GAN: variants seen among roughly 807,000 people sequenced by gnomAD.
GAN encodes gigaxonin.
GAN carries 48 observed loss-of-function variants against 71.3 expected under a neutral mutation model. The ratio of observed to expected loss-of-function variants is 0.67; its 90% confidence interval spans 0.53 to 0.86. The LOEUF (loss-of-function observed/expected upper bound fraction) is 0.86, where lower values mean the gene tolerates loss of function less well. Ranked by LOEUF, GAN falls within the 40% of genes least tolerant of loss-of-function variation. GAN has a pLI of 0.00. For missense variants in GAN, 928 were observed against 770.1 expected (o/e 1.21, Z -2.43); for synonymous variants, 386 against 276.8 (o/e 1.39, Z -3.92).
rs1156706488 is a variant in GAN, at chr16:81,386,782, A to T, written c.*9186A>T. On this transcript the variant is annotated 3_prime_UTR_variant, in exon 11 of 11. Transcript: ENST00000648994. ...ACCAACGTGGAGAAACCCCGTCTCT[A>T]TTAAAAATACAAAATTAGCCGGGCA... 6.6e-6 allele frequency: 1 copy of T among 152,278 alleles called. No individual in the cohort carries two copies. The allele number at this position is 152,278 out of a possible 1,614,324, so 9.4% of individuals were successfully genotyped here. A position where few individuals can be genotyped will look rare whatever the true frequency, so the allele number is the denominator to read the frequency against.
chr16:81,384,806 C>A lies in GAN; in HGVS notation c.*7210C>A, dbSNP rs1463516253. On this transcript the variant is annotated 3_prime_UTR_variant, in exon 11 of 11. Transcript: ENST00000648994. ...CGGTATGCGCCTTCTGCACTCCACA[C>A]GTGGTCGCCTCCATCCTCCCTAGTG... 1 of 152,236 alleles carries A rather than the reference C, an allele frequency of 6.6e-6. No homozygotes were observed. The highest frequency in any genetic ancestry group is 2.1e-4 in the South Asian group (1 of 4,828). The allele number at this position is 152,236 out of a possible 1,614,324, so 9.4% of individuals were successfully genotyped here.
intron 9 of GAN, among the ~76,000 whole-genome samples, chr16:81,369,946 T>C (rs776714303): frequency 8.5e-5 from 13 of 152,196 alleles, no homozygotes; most frequent in Non-Finnish European, 1.6e-4. Flanking sequence ...CCCAAATTCT[T>C]TCCCAGACGT....
At chr16:81,326,933 C>T (rs1009378795) in intron 1 of GAN, among the ~76,000 whole-genome samples, 2 of 152,198 alleles carry the variant, frequency 1.3e-5, no homozygotes, top group Admixed American at 1.3e-4. Flanking sequence ...GGTCAGAGTT[C>T]AGGATGCTGA....
chr16:81,382,755 G>A lies in GAN; in HGVS notation c.*5159G>A, dbSNP rs1904311896. The A allele has an allele frequency of 6.6e-6, 1 of 152,258 alleles. No individual in the cohort carries two copies. Among genetic ancestry groups the A allele is most frequent in the Non-Finnish European group, 1.5e-5 (1 of 68,030 alleles). 9.4% of individuals were successfully genotyped at this position (152,258 alleles called of 1,614,324 possible). A position where few individuals can be genotyped will look rare whatever the true frequency, so the allele number is the denominator to read the frequency against. On this transcript the variant is annotated 3_prime_UTR_variant, in exon 11 of 11. Coordinates refer to ENST00000648994, the MANE Select transcript of GAN (RefSeq NM_022041.4). ...CAGTTAAGTCTCAGTGGTATTGACT[G>A]CTAGGCATTTTCTATATTTTTTGCA...
chr16:81,332,179 AAAAG>A (rs953363902), intron 1 of GAN, among the ~76,000 whole-genome samples: 10 of 151,894 alleles, frequency 6.6e-5, no homozygotes, highest in Non-Finnish European at 1.5e-4. Flanking sequence ...AAAAAAAAGA[AAAAG>A]AAAAAAAAGA....
intron 1 of GAN, among the ~76,000 whole-genome samples, chr16:81,336,411 A>G (rs1263494587): frequency 6.6e-6 from 1 of 152,064 alleles, no homozygotes; most frequent in Non-Finnish European, 1.5e-5. Flanking sequence ...CTGCAAATTG[A>G]TATTTCATTT....
Position 81,315,112 on chromosome 16 carries a change from C to T in GAN, c.-2C>T. 2.0e-6 allele frequency: 3 copies of T among 1,492,352 alleles called. No homozygotes were observed. The South Asian group carries it at 3.8e-5, about 19-fold the overall frequency. The allele number at this position is 1,492,352 out of a possible 1,614,324, so 92.4% of individuals were successfully genotyped here. Reference sequence around the variant, plus strand: ...CCCGTCGGCAGAGGAGCGGGCGCCGCGATGGCTGAGGGCAGTGCCGTGTCT... The same window carrying T: ...CCCGTCGGCAGAGGAGCGGGCGCCGTGATGGCTGAGGGCAGTGCCGTGTCT... On this transcript the variant is annotated 5_prime_UTR_variant, in exon 1 of 11. Transcript: ENST00000648994.
Position 81,363,801 on chromosome 16 carries a change from A to T in GAN, c.1094A>T (p.His365Leu). Residue 365 changes from histidine (H) to leucine (L), a missense_variant, in exon 7 of 11, where the codon CAT becomes CTT. Coordinates refer to ENST00000648994, the MANE Select transcript of GAN (RefSeq NM_022041.4). ...TALPPMNEAR[H>L]NFGIVEIDGM... ...TCGCTAATGTAATTTCAGGCAAGACATAACTTCGGAATTGTGGAGATAGAT... is the reference window on the plus strand; with the variant it reads ...TCGCTAATGTAATTTCAGGCAAGACTTAACTTCGGAATTGTGGAGATAGAT... 6.2e-7 allele frequency: 1 copy of T among 1,613,840 alleles called. No homozygotes were observed. The highest frequency in any genetic ancestry group is 8.5e-7 in the Non-Finnish European group (1 of 1,179,702).
chr16:81,358,812 T>C (rs1358493824), intron 5 of GAN, among the ~76,000 whole-genome samples: 1 of 152,226 alleles, frequency 6.6e-6, no homozygotes, highest in African/African-American at 2.4e-5. Flanking sequence ...GCTGCCTGTC[T>C]TTTCGCCGTG....
chr16:81,370,675 A>C (rs1911009985), intron 9 of GAN, among the ~76,000 whole-genome samples: 1 of 152,378 alleles, frequency 6.6e-6, no homozygotes, highest in East Asian at 1.9e-4. Flanking sequence ...GAGGAGTGAG[A>C]GGAAGGCAGC....
intron 7 of GAN, among the ~76,000 whole-genome samples, chr16:81,364,263 T>C (rs1910774941): frequency 6.6e-6 from 1 of 151,172 alleles, no homozygotes; most frequent in Admixed American, 6.6e-5. Context: ...TCTCTTACTC[T>C]CTCTCTCTCT....
In GAN at chr16:81,351,665, A is replaced by G; in HGVS notation, c.250A>G (p.Arg84Gly). Residue 84 changes from arginine (R) to glycine (G), a missense_variant, in exon 2 of 11, where the codon AGA (arginine) becomes GGA (glycine). Coordinates refer to ENST00000648994, the MANE Select transcript of GAN (RefSeq NM_022041.4). ...TGAAGGGATATCGGTAATGGTTATGAGAGAGATCCTGGATTACATCTTCAG... is the reference window on the plus strand; with the variant it reads ...TGAAGGGATATCGGTAATGGTTATGGGAGAGATCCTGGATTACATCTTCAG... The part of the protein sequence containing the change: ...ELEGISVMVM[R>G]EILDYIFSGQ... The G allele has an allele frequency of 7.8e-6, 12 of 1,539,242 alleles. No individual in the cohort carries two copies. Among genetic ancestry groups the G allele is most frequent in the Non-Finnish European group, 9.9e-6 (11 of 1,111,640 alleles).
chr16:81,322,811 C>A (rs547051346), intron 1 of GAN, among the ~76,000 whole-genome samples: 34 of 152,246 alleles, frequency 2.2e-4, no homozygotes, highest in Non-Finnish European at 4.6e-4. Context: ...GCACTTTTGT[C>A]ACTTAAATTG....
chr16:81,319,935 A>C (rs1909172210), intron 1 of GAN, among the ~76,000 whole-genome samples: 1 of 151,946 alleles, frequency 6.6e-6, no homozygotes, highest in South Asian at 2.1e-4. Context: ...GAGGAGGAGG[A>C]CCTGTTTCTG....
intron 9 of GAN, among the ~76,000 whole-genome samples, chr16:81,376,705 C>A (rs536104424): frequency 1.3e-5 from 2 of 149,488 alleles, no homozygotes; most frequent in South Asian, 4.2e-4. Flanking sequence ...TATGCACACG[C>A]ATACACACAC....
At chr16:81,364,046 A>T in intron 7 of GAN, 103 bp downstream of exon 7, 1 of 935,028 alleles carries the variant, frequency 1.1e-6, no homozygotes, top group East Asian at 2.4e-5. Context: ...TGATGGTGTT[A>T]AAAGAATTAA....
At chr16:81,334,381 A>G (rs1018252636) in intron 1 of GAN, among the ~76,000 whole-genome samples, 1 of 152,140 alleles carries the variant, frequency 6.6e-6, no homozygotes, top group South Asian at 2.1e-4. Flanking sequence ...GGTTGGTGGG[A>G]TGAAGACACC....
intron 3 of GAN, among the ~76,000 whole-genome samples, chr16:81,355,203 T>A (rs919723480): frequency 6.6e-6 from 1 of 152,084 alleles, no homozygotes; most frequent in Non-Finnish European, 1.5e-5. Context: ...GCTTCAGGTG[T>A]GATTGACACC....
Position 81,388,136 on chromosome 16 carries a change from G to T in GAN, c.*10540G>T, listed in dbSNP as rs934755369. ...GAGGAAGGGTATTTTGGCCATGTTC[G>T]GAGTCGTTGTTTTTACTCACTCTTC... On this transcript the variant is annotated 3_prime_UTR_variant, in exon 11 of 11. Coordinates refer to ENST00000648994, the MANE Select transcript of GAN (RefSeq NM_022041.4). 1 of 152,198 alleles carries T rather than the reference G, an allele frequency of 6.6e-6. No homozygotes were observed. The highest frequency in any genetic ancestry group is 1.5e-5 in the Non-Finnish European group (1 of 68,070). 9.4% of individuals were successfully genotyped at this position (152,198 alleles called of 1,614,324 possible). A position where few individuals can be genotyped will look rare whatever the true frequency, so the allele number is the denominator to read the frequency against.
Sources: gnomAD v4.1 joint callset for allele counts (sites outside exome capture counted in the v4.1 genomes callset) on GRCh38, gnomAD v4.1.1 for gene constraint, MANE v1.5 for transcripts, NCBI Gene and HGNC (gene_info 2026-07-23, HGNC 2026-07-21) for gene names.